Variants in INPP5K observed in about 807,000 individuals in gnomAD.
The protein encoded by INPP5K is inositol polyphosphate-5-phosphatase K, also known as inositol polyphosphate 5-phosphatase K.
A neutral mutation model predicts 53.5 loss-of-function variants in INPP5K; 35 were observed. That is an observed-to-expected ratio of 0.65 (90% CI 0.50 to 0.87). INPP5K has a LOEUF of 0.87. Among genes scored for constraint, INPP5K ranks in the 40% least tolerant of loss-of-function variants. The probability of loss-of-function intolerance (pLI) is 0.00; values close to 1 mark genes in which losing one functional copy is unlikely to be tolerated. For synonymous variants in INPP5K, 253 were observed against 232.8 expected (o/e 1.09, Z -0.79); for missense variants, 550 against 586.2 (o/e 0.94, Z 0.64).
Position 1,513,905 on chromosome 17 carries a change from T to G in INPP5K, c.119A>C (p.Asn40Thr), listed in dbSNP as rs547379014. ...LDLSDLLQLN[N>T]RNLNLDIYVI... is the part of the protein sequence containing the mutation. ...ATATATGTCAAGATTGAGGTTCCGG[T>G]TGTTCAGCTGAAGCAGGTCACTGAG... Residue 40 changes from asparagine (N) to threonine (T), a missense_variant, in exon 2 of 12, where the codon AAC becomes ACC. Asn to Thr is a moderately conservative substitution (Grantham distance 65, BLOSUM62 0). Transcript: ENST00000421807. 54 of 1,613,430 alleles carry G rather than the reference T, an allele frequency of 3.3e-5. No individual in the cohort carries two copies. The highest frequency in any genetic ancestry group is 4.5e-5 in the Non-Finnish European group (53 of 1,179,570).
chr17:1,507,085 C>G lies in INPP5K; in HGVS notation c.671G>C (p.Ser224Thr). The G allele has an allele frequency of 3.1e-6, 5 of 1,613,710 alleles. No homozygotes were observed. The highest frequency in any genetic ancestry group is 8.5e-7 in the Non-Finnish European group (1 of 1,179,710). The stretch of plus-strand genomic sequence containing the variant: ...CAGCGGGTCATGTTTCTTGGCAATG[C>G]TGAGCTGCAGACAAAGTCATAGTCC... ...YGGLWEKDQL[S>T]IAKKHDPLLR... The change falls in exon 7 of 12, where the codon AGC becomes ACC. Residue 224 changes from serine (S) to threonine (T), a missense_variant. Physicochemically the swap from Ser to Thr is moderately conservative, Grantham distance 58. Transcript: ENST00000421807.
chr17:1,500,513 T>C (rs545139075), intron 7 of INPP5K, among the ~76,000 whole-genome samples: 4 of 152,192 alleles, frequency 2.6e-5, no homozygotes, highest in Non-Finnish European at 4.4e-5. Flanking sequence ...TACAGGCGCC[T>C]GCCACCATGC....
chr17:1,509,589 G>T, intron 4 of INPP5K, 94 bp downstream of exon 4: 1 of 975,322 alleles, frequency 1.0e-6, no homozygotes, highest in Non-Finnish European at 1.7e-6. Flanking sequence ...CTGGACAGAG[G>T]ACCAAGATTC....
intron 7 of INPP5K, among the ~76,000 whole-genome samples, chr17:1,498,991 G>C (rs11656032): frequency 0.17 from 26,601 of 152,134 alleles, 2,875 homozygotes; most frequent in South Asian, 0.31. Context: ...GGTGGAGCCA[G>C]GATTCAGGGC....
intron 9 of INPP5K, 76 bp downstream of exon 9, chr17:1,496,590 C>T (rs1420869535): frequency 2.5e-6 from 4 of 1,575,776 alleles, no homozygotes; most frequent in Non-Finnish European, 3.5e-6. Context: ...CAGCATCTGC[C>T]CAGCTCCCAG....
chr17:1,513,740 G>T, intron 2 of INPP5K, 132 bp downstream of exon 2: 1 of 877,174 alleles, frequency 1.1e-6, no homozygotes. Context: ...CCAGAGACAT[G>T]GGACTGTCCC....
intron 3 of INPP5K, 60 bp downstream of exon 3, chr17:1,513,393 G>T: frequency 8.0e-7 from 1 of 1,243,372 alleles, no homozygotes; most frequent in Non-Finnish European, 1.2e-6. Flanking sequence ...GACCCAACAA[G>T]CAGGGGTCAG....
rs1258749181 is a variant in INPP5K, at chr17:1,494,884, C to T, written c.*939G>A. 6.6e-6 allele frequency: 1 copy of T among 152,240 alleles called. No homozygotes were observed. The highest frequency in any genetic ancestry group is 2.4e-5 in the African/African-American group (1 of 41,450). The allele number at this position is 152,240 out of a possible 1,614,324, so 9.4% of individuals were successfully genotyped here. On this transcript the variant is annotated 3_prime_UTR_variant, in exon 12 of 12. Coordinates refer to ENST00000421807, the MANE Select transcript of INPP5K (RefSeq NM_016532.4). ...GGGTGTTCTCTGAAGAACCCCAGGG[C>T]CAGATCCTCCAAAATGTCTTGAGCT...
Position 1,508,169 on chromosome 17 carries a change from A to G in INPP5K, c.612T>C (p.Phe204=). 1 of 1,614,148 alleles carries G rather than the reference A, an allele frequency of 6.2e-7. No homozygotes were observed. Among genetic ancestry groups the G allele is most frequent in the Non-Finnish European group, 8.5e-7 (1 of 1,180,018 alleles). The part of the protein sequence containing the change: ...NFRIEDFGLH[F]VRESIKNRCY... ...ACCGATTTTTAATGGATTCCCGAAC[A>G]AAGTGCAACCCAAAGTCCTCGATCC... Residue 204 remains phenylalanine (F), a synonymous_variant, in exon 6 of 12, where the codon TTT becomes TTC. Transcript: ENST00000421807.
At chr17:1,509,416 C>A (rs1256476145) in intron 4 of INPP5K, 63 bp from the exon 5 acceptor site, 1 of 1,479,708 alleles carries the variant, frequency 6.8e-7, no homozygotes. Flanking sequence ...CCTCTTTCCA[C>A]ATCCTGGACC....
At position 1,495,817 on chromosome 17, in the gene INPP5K, C is replaced by G. The variant is rs200375863; in HGVS notation, c.*6G>C. 11 of 1,610,994 alleles carry G rather than the reference C, an allele frequency of 6.8e-6. No individual in the cohort carries two copies. The East Asian group carries it at 2.5e-4, about 36-fold the overall frequency. ...GCCTCCGCCTGGGATTCACTCCCAT[C>G]CTGGCTCAGATCTGTGGCTGTGCTT... On this transcript the variant is annotated 3_prime_UTR_variant, in exon 12 of 12. Transcript: ENST00000421807.
chr17:1,502,080 T>G (rs749754402), intron 7 of INPP5K, among the ~76,000 whole-genome samples: 1 of 149,152 alleles, frequency 6.7e-6, no homozygotes, highest in Non-Finnish European at 1.5e-5. Flanking sequence ...CCAGGCACGG[T>G]GGCTCACGCC....
chr17:1,496,450 T>C (rs750884546), intron 9 of INPP5K, 48 bp from the exon 10 acceptor site: 2 of 1,468,928 alleles, frequency 1.4e-6, no homozygotes, highest in South Asian at 2.4e-5. Context: ...ACATGGGACC[T>C]AAGGCAAGTC....
At chr17:1,516,103 C>T in intron 1 of INPP5K, 2 of 1,197,624 alleles carry the variant, frequency 1.7e-6, no homozygotes, top group South Asian at 4.5e-5. Flanking sequence ...ATCAGGCAGA[C>T]CTCCTGATGT....
In INPP5K at chr17:1,496,947, C is replaced by T. The variant is rs1018058164; in HGVS notation, c.964-144G>A. The T allele has an allele frequency of 5.2e-6, 4 of 772,300 alleles. No homozygotes were observed. The Admixed American group carries it at 7.5e-5, about 15-fold the overall frequency. The allele number at this position is 772,300 out of a possible 1,614,324, so 47.8% of individuals were successfully genotyped here. Reference sequence around the variant, plus strand: ...GGGCATGGAACTCCACTGGGCTGCTCCAACGGACCTTGGCTGGCCATCAGG... The same window carrying T: ...GGGCATGGAACTCCACTGGGCTGCTTCAACGGACCTTGGCTGGCCATCAGG... On this transcript the variant is annotated intron_variant, in intron 8 of 11. Coordinates refer to ENST00000421807, the MANE Select transcript of INPP5K (RefSeq NM_016532.4).
At chr17:1,502,853 TG>T (rs779356893) in intron 7 of INPP5K, among the ~76,000 whole-genome samples, 165 of 151,220 alleles carry the variant, frequency 1.1e-3, no homozygotes, top group Non-Finnish European at 2.0e-3. Flanking sequence ...CTCAGCCTCC[TG>T]AGGAGCTGGG....
At chr17:1,502,185 T>TA (rs977059564) in intron 7 of INPP5K, among the ~76,000 whole-genome samples, 1 of 150,388 alleles carries the variant, frequency 6.6e-6, no homozygotes, top group South Asian at 2.1e-4. Context: ...CCGTCTCTAC[T>TA]AAAAATACAA....
chr17:1,512,997 ATATCTC>A (rs1255341562), intron 3 of INPP5K, among the ~76,000 whole-genome samples: 3 of 152,228 alleles, frequency 2.0e-5, no homozygotes, highest in Non-Finnish European at 4.4e-5. Context: ...TCTCTGTAAA[ATATCTC>A]TATTTCAACA....
chr17:1,499,903 T>C (rs944530748), intron 7 of INPP5K, among the ~76,000 whole-genome samples: 3 of 152,236 alleles, frequency 2.0e-5, no homozygotes, highest in South Asian at 2.1e-4. Context: ...ATCTCATCTA[T>C]TGATCGATCG....
Sources: gnomAD v4.1 joint callset for allele counts (sites outside exome capture counted in the v4.1 genomes callset) on GRCh38, gnomAD v4.1.1 for gene constraint, MANE v1.5 for transcripts, NCBI Gene and HGNC (gene_info 2026-07-23, HGNC 2026-07-21) for gene names.